The following PIK3R2 variants were observed in gnomAD, a reference collection of about 807,000 sequenced individuals.
The protein encoded by PIK3R2 is phosphatidylinositol 3-kinase regulatory subunit beta.
Under a neutral mutation model 78.5 loss-of-function variants are expected in PIK3R2, and 40 were observed. The ratio of observed to expected loss-of-function variants is 0.51; its 90% CI spans 0.40 to 0.66. The LOEUF is 0.66. Ranked by LOEUF, PIK3R2 falls within the 30% of genes least tolerant of loss-of-function variation. The probability of loss-of-function intolerance (pLI) is 0.00; values close to 1 mark genes in which losing one functional copy is unlikely to be tolerated. For missense variants in PIK3R2, 880 were observed against 1,026.6 expected, an observed-to-expected ratio of 0.86 and a Z score of 1.95; for synonymous variants, 473 against 457.7, an observed-to-expected ratio of 1.03 and a Z score of -0.43.
At chr19:18,162,606 A>G in intron 9 of PIK3R2, 100 bp downstream of exon 9, 1 of 975,372 alleles carries the variant, frequency 1.0e-6, no homozygotes, top group East Asian at 2.6e-5. Context: ...ATGGAGGGCC[A>G]GGCACGGTGG....
intron 15 of PIK3R2, 44 bp from the exon 16 acceptor site, chr19:18,169,043 G>C: frequency 6.3e-7 from 1 of 1,583,552 alleles, no homozygotes; most frequent in Non-Finnish European, 8.6e-7. Context: ...AAAGCTTGGC[G>C]GGGAGGCCAG....
In PIK3R2 at chr19:18,162,206, G is replaced by A. The variant is rs2043756183; in HGVS notation, c.906G>A (p.Leu302=). The A allele has an allele frequency of 1.9e-6, 3 of 1,562,728 alleles. No individual in the cohort carries two copies. Among genetic ancestry groups the A allele is most frequent in the East Asian group, 2.2e-5 (1 of 44,582 alleles). ...LEEQEVAPPA[L]PPKPPKAKPA... is the part of the protein sequence containing the mutation. ...ATTTGTTTTCCTGTCCCCCAGCGCT[G>A]CCGCCTAAACCCCCCAAGGCAAAGC... Residue 302 remains leucine, a synonymous_variant, in exon 8 of 16, where the codon CTG becomes CTA. Coordinates refer to ENST00000222254, the MANE Select transcript of PIK3R2 (RefSeq NM_005027.4).
chr19:18,153,892 A>C (rs1015660564), intron 1 of PIK3R2, among the ~76,000 whole-genome samples: 12 of 152,020 alleles, frequency 7.9e-5, no homozygotes, highest in Non-Finnish European at 1.6e-4. Context: ...CAGTTTCCCC[A>C]CCTGTAGAAT....
rs774196729 is a variant in PIK3R2 at position 18,160,473 on chromosome 19, C to T, written c.325C>T (p.Leu109Phe). 4 of 1,609,184 alleles carry T rather than the reference C, an allele frequency of 2.5e-6. No individual in the cohort carries two copies. The highest frequency in any genetic ancestry group is 1.3e-5 in the African/African-American group (1 of 74,848). ...RPRDGAPEPG[L>F]TLPDLPEQFS... ...AACCCCCCTGTTTCCCCCACCAGGC[C>T]TCACACTCCCCGACTTGCCCGAGCA... The change falls in exon 3 of 16, where the codon CTC becomes TTC. Residue 109 changes from leucine to phenylalanine, a missense_variant and splice_region_variant. Physicochemically the swap from Leu to Phe is conservative, Grantham distance 22. This residue lies in a region of PIK3R2 where 456 missense variants were observed against 486.6 expected (regional missense o/e 0.94). Transcript: ENST00000222254.
rs1206073591 is a variant in PIK3R2 at position 18,168,852 on chromosome 19, C to A, written c.1935C>A (p.Leu645=). 1.9e-6 allele frequency: 3 copies of A among 1,613,734 alleles called. No homozygotes were observed. Among genetic ancestry groups the A allele is most frequent in the Non-Finnish European group, 2.5e-6 (3 of 1,179,870 alleles). Residue 645 remains leucine, a synonymous_variant, in exon 15 of 16, where the codon CTC becomes CTA. Transcript: ENST00000222254. The surrounding 1 kb of genome is among the most constrained non-coding windows in gnomAD (Gnocchi z 4.1). ...GTGGCAAGCGGGATGGCACCTTCCTCATCCGCGAGAGCAGCCAGCGGGGCT... is the reference window on the plus strand; with the variant it reads ...GTGGCAAGCGGGATGGCACCTTCCTAATCCGCGAGAGCAGCCAGCGGGGCT... The part of the protein sequence containing the change: ...MLSGKRDGTF[L]IRESSQRGCY...
intron 8 of PIK3R2, 35 bp downstream of exon 8, chr19:18,162,345 G>T: frequency 6.3e-7 from 1 of 1,586,074 alleles, no homozygotes; most frequent in Non-Finnish European, 8.7e-7. Context: ...GACCAAGGAG[G>T]TGTCACAGGG....
In PIK3R2 at chr19:18,168,904, G is replaced by A. The variant is rs1204432080; in HGVS notation, c.1979+8G>A. On this transcript the variant is annotated splice_region_variant and intron_variant, in intron 15 of 15. Coordinates refer to ENST00000222254, the MANE Select transcript of PIK3R2 (RefSeq NM_005027.4). This position sits in a 1 kb window ranked among gnomAD's most constrained non-coding sequence, Gnocchi z 4.1. ...CTACGCCTGCTCCGTGGTGTGAGTG[G>A]ACCGCAGCGGTGGGGATTCCCGCGT... 6.2e-7 allele frequency: 1 copy of A among 1,609,398 alleles called. No homozygotes were observed. The highest frequency in any genetic ancestry group is 2.2e-5 in the East Asian group (1 of 44,552).
rs555500535 is a variant in PIK3R2 at position 18,157,243 on chromosome 19, G to A, written c.322+1042G>A. Among the ~76,000 whole-genome samples, 12 of 152,328 alleles carry A rather than the reference G, an allele frequency of 7.9e-5. No individual in the cohort carries two copies. The East Asian group carries it at 9.7e-4, about 12-fold the overall frequency. ...TGGTATCTCCAGGGCCCAGGCCTGCGTCCTGCCTCGGCCTGAAGGAGCAGG... is the reference window on the plus strand; with the variant it reads ...TGGTATCTCCAGGGCCCAGGCCTGCATCCTGCCTCGGCCTGAAGGAGCAGG... On this transcript the variant is annotated intron_variant, in intron 2 of 15. Transcript: ENST00000222254.
intron 1 of PIK3R2, 25 bp from the exon 2 acceptor site, chr19:18,155,432 C>T (rs548578913): frequency 6.0e-5 from 24 of 396,756 alleles, no homozygotes; most frequent in African/African-American, 3.3e-4. Context: ...GCCTGGCTAA[C>T]GCTGCCCTAT....
rs2147944951 is a variant in PIK3R2, at chr19:18,156,016, G to A, written c.137G>A (p.Gly46Asp). The A allele has an allele frequency of 6.4e-7, 1 of 1,558,484 alleles. No individual in the cohort carries two copies. The highest frequency in any genetic ancestry group is 8.7e-7 in the Non-Finnish European group (1 of 1,151,600). Residue 46 changes from glycine (G) to aspartate (D), a missense_variant, in exon 2 of 16, where the codon GGT becomes GAT. By Grantham distance (94) the Gly-to-Asp change is moderately conservative. Around this residue, in one of 3 missense-constraint regions of PIK3R2, gnomAD observed 456 missense variants for 486.6 expected, o/e 0.94. Transcript: ENST00000222254. The surrounding 1 kb of genome is among the most constrained non-coding windows in gnomAD (Gnocchi z 4.2). ...TTGCAGGCGCTGGGCGTGGCCGAGGGTGGCGAGCGCTGCCCACAGAGCGTG... is the reference window on the plus strand; with the variant it reads ...TTGCAGGCGCTGGGCGTGGCCGAGGATGGCGAGCGCTGCCCACAGAGCGTG... Reference protein sequence around the residue: ...AALQALGVAEGGERCPQSVGW... With the variant: ...AALQALGVAEDGERCPQSVGW...
intron 9 of PIK3R2, 170 bp from the exon 10 acceptor site, chr19:18,162,797 G>A: frequency 1.6e-6 from 1 of 630,858 alleles, no homozygotes; most frequent in Non-Finnish European, 2.7e-6. Context: ...GGCTGAGGCA[G>A]GAGAATTGCT....
intron 9 of PIK3R2, 45 bp from the exon 10 acceptor site, chr19:18,162,922 A>C: frequency 2.6e-6 from 4 of 1,564,350 alleles, no homozygotes; most frequent in East Asian, 2.3e-5. Context: ...ATTGAGGGTC[A>C]GGTGCGGGGT....
rs2043671588 is a variant in PIK3R2, at chr19:18,155,863, A to C, written c.-17A>C. 8.5e-6 allele frequency: 13 copies of C among 1,531,790 alleles called. No homozygotes were observed. The highest frequency in any genetic ancestry group is 1.1e-5 in the Non-Finnish European group (13 of 1,137,824). 94.9% of individuals were successfully genotyped at this position (1,531,790 alleles called of 1,614,324 possible). ...GCAGCCACCTAACCATCCAGACCCC[A>C]CCCCACTCACGCGGCCATGGCGGGC... On this transcript the variant is annotated 5_prime_UTR_variant, in exon 2 of 16. Transcript: ENST00000222254.
At chr19:18,154,898 A>C (rs2043660985) in intron 1 of PIK3R2, among the ~76,000 whole-genome samples, 1 of 149,084 alleles carries the variant, frequency 6.7e-6, no homozygotes, top group Admixed American at 6.9e-5. Flanking sequence ...GCAACATAGC[A>C]AGACCCCACC....
chr19:18,161,398 G>C lies in PIK3R2; in HGVS notation c.718G>C (p.Gly240Arg), dbSNP rs1378360226. The change falls in exon 6 of 16, where the codon GGT (glycine) becomes CGT (arginine). Residue 240 changes from glycine (G) to arginine (R), a missense_variant. By Grantham distance (125) the Gly-to-Arg change is moderately radical. Coordinates refer to ENST00000222254, the MANE Select transcript of PIK3R2 (RefSeq NM_005027.4). The surrounding 1 kb of genome is among the most constrained non-coding windows in gnomAD (Gnocchi z 5.3). ...GRVASRAPAL[G>R]PAVRALGATF... The stretch of plus-strand genomic sequence containing the variant: ...CGTGGCCAGCCGCGCCCCGGCCCTG[G>C]GTCCCGCGGTCCGGGCCCTGGGCGC... 1 of 1,219,824 alleles carries C rather than the reference G, an allele frequency of 8.2e-7. No individual in the cohort carries two copies. Among genetic ancestry groups the C allele is most frequent in the Non-Finnish European group, 1.0e-6 (1 of 981,502 alleles). 75.6% of individuals were successfully genotyped at this position (1,219,824 alleles called of 1,614,324 possible). A position where few individuals can be genotyped will look rare whatever the true frequency, so the allele number is the denominator to read the frequency against.
At chr19:18,153,445 G>C (rs571634506) in intron 1 of PIK3R2, among the ~76,000 whole-genome samples, 151 bp downstream of exon 1, 1 of 152,334 alleles carries the variant, frequency 6.6e-6, no homozygotes, top group Non-Finnish European at 1.5e-5. Context: ...GCAGGCAAGG[G>C]GGGGCCTCGG....
Position 18,169,272 on chromosome 19 carries a change from G to A in PIK3R2, c.2165G>A (p.Gly722Asp), listed in dbSNP as rs1463912510. 4 of 1,517,198 alleles carry A rather than the reference G, an allele frequency of 2.6e-6. No homozygotes were observed. In the South Asian group the frequency reaches 4.8e-5, roughly 18 times the overall value. The allele number at this position is 1,517,198 out of a possible 1,614,324, so 94.0% of individuals were successfully genotyped here. A position where few individuals can be genotyped will look rare whatever the true frequency, so the allele number is the denominator to read the frequency against. Residue 722 changes from glycine to aspartate, a missense_variant, in exon 16 of 16, where the codon GGC becomes GAC. Transcript: ENST00000222254. ...LAHPVRAPGP[G>D]PPPAAR ...CACCCAGTGCGCGCCCCGGGCCCCG[G>A]CCCGCCGCCTGCCGCCCGCTGAGCA...
rs1320851067 is a variant in PIK3R2, at chr19:18,167,717, C to T, written c.1736+411C>T. On this transcript the variant is annotated intron_variant, in intron 13 of 15. Transcript: ENST00000222254. The surrounding 1 kb of genome is among the most constrained non-coding windows in gnomAD (Gnocchi z 4.5). ...TACTAAAAATAAAAAATACAAAACC[C>T]GGCCAGGCATGGTGGTGGGCGCCTG... is the stretch of plus-strand genomic sequence containing the variant. Among the ~76,000 whole-genome samples, 3 of 151,992 alleles carry T rather than the reference C, an allele frequency of 2.0e-5. No individual in the cohort carries two copies. Among genetic ancestry groups the T allele is most frequent in the South Asian group, 2.1e-4 (1 of 4,818 alleles).
rs747305371 is a variant in PIK3R2 at position 18,168,676 on chromosome 19, G to A, written c.1809-50G>A. The A allele has an allele frequency of 6.0e-6, 9 of 1,492,612 alleles. No individual in the cohort carries two copies. The highest frequency in any genetic ancestry group is 8.4e-6 in the Non-Finnish European group (9 of 1,072,122). The allele number at this position is 1,492,612 out of a possible 1,614,324, so 92.5% of individuals were successfully genotyped here. A position where few individuals can be genotyped will look rare whatever the true frequency, so the allele number is the denominator to read the frequency against. On this transcript the variant is annotated intron_variant, in intron 14 of 15. Coordinates refer to ENST00000222254, the MANE Select transcript of PIK3R2 (RefSeq NM_005027.4). The surrounding 1 kb of genome is among the most constrained non-coding windows in gnomAD (Gnocchi z 4.1). The stretch of plus-strand genomic sequence containing the variant: ...TCCAGGCAGCTGGGGAGCCTCGGAG[G>A]CTGGCAGGTGAGTGACCAGGGCCCT...
Sources: gnomAD v4.1 joint callset for allele counts (sites outside exome capture counted in the v4.1 genomes callset) on GRCh38, gnomAD v4.1.1 for gene constraint, gnomAD v4.1.1 regional missense constraint, Gnocchi (gnomAD v3.1) non-coding constraint, MANE v1.5 for transcripts, NCBI Gene and HGNC (gene_info 2026-07-23, HGNC 2026-07-21) for gene names.